Variants in CNTN5 observed in about 807,000 individuals in gnomAD.
CNTN5 encodes contactin-5.
In CNTN5, 77 loss-of-function variants were observed where a neutral mutation model predicts 129.1. The observed-to-expected ratio is 0.60, with a 90% CI of 0.50 to 0.72. The LOEUF is 0.72. CNTN5 is among the 30% of genes least tolerant of loss of function. CNTN5 has a pLI of 0.00. For missense variants in CNTN5, 1,478 were observed against 1,328.8 expected, an observed-to-expected ratio of 1.11 and a Z score of -1.75; for synonymous variants, 509 against 465.6, an observed-to-expected ratio of 1.09 and a Z score of -1.20.
chr11:99,743,012 G>T (rs937954630), intron 3 of CNTN5, among the ~76,000 whole-genome samples: 1 of 152,164 alleles, frequency 6.6e-6, no homozygotes, highest in Non-Finnish European at 1.5e-5. Context: ...CATGCAACAT[G>T]CTTTGAATAG....
chr11:99,969,180 C>T (rs17134785), intron 8 of CNTN5, among the ~76,000 whole-genome samples: 10,538 of 152,108 alleles, frequency 0.069, 374 homozygotes, highest in Middle Eastern at 0.082. Context: ...TGAACTCTCT[C>T]AATTTGTCTT....
intron 24 of CNTN5, among the ~76,000 whole-genome samples, chr11:100,355,902 A>T (rs1591539383): frequency 6.6e-6 from 1 of 151,864 alleles, no homozygotes; most frequent in South Asian, 2.1e-4. Flanking sequence ...GTTAGACATG[A>T]CATCACCTTT....
At chr11:99,997,371 A>G (rs909100843) in intron 8 of CNTN5, among the ~76,000 whole-genome samples, 2 of 152,200 alleles carry the variant, frequency 1.3e-5, no homozygotes, top group African/African-American at 4.8e-5. Flanking sequence ...AGAATACTAC[A>G]AACACCTCTA....
At chr11:100,227,137 T>G (rs1483746127) in intron 16 of CNTN5, among the ~76,000 whole-genome samples, 2 of 152,174 alleles carry the variant, frequency 1.3e-5, no homozygotes, top group Non-Finnish European at 2.9e-5. Flanking sequence ...AATGTCTTCA[T>G]CACAAGGAAC....
chr11:99,928,889 C>A (rs1950126299), intron 7 of CNTN5, among the ~76,000 whole-genome samples: 1 of 152,206 alleles, frequency 6.6e-6, no homozygotes, highest in Admixed American at 6.5e-5. Context: ...AACTTCTATG[C>A]TCTGTTTCCC....
chr11:100,253,340 ACT>A (rs909155853), intron 16 of CNTN5, among the ~76,000 whole-genome samples: 2 of 152,018 alleles, frequency 1.3e-5, no homozygotes, highest in Non-Finnish European at 2.9e-5. Flanking sequence ...ATTAGAATGA[ACT>A]CTCTGATACC....
intron 7 of CNTN5, among the ~76,000 whole-genome samples, chr11:99,944,750 A>G (rs1950518234): frequency 6.6e-6 from 1 of 151,998 alleles, no homozygotes; most frequent in Non-Finnish European, 1.5e-5. Flanking sequence ...TCATGAGTGA[A>G]CTCCCATTCA....
chr11:100,063,650 G>T (rs1943571590), intron 10 of CNTN5, among the ~76,000 whole-genome samples: 1 of 148,486 alleles, frequency 6.7e-6, no homozygotes, highest in African/African-American at 2.5e-5. Flanking sequence ...TAGGTGTAGT[G>T]GCTCAGACCT....
chr11:99,389,581 T>C (rs1205935798), intron 2 of CNTN5, among the ~76,000 whole-genome samples: 1 of 152,172 alleles, frequency 6.6e-6, no homozygotes, highest in African/African-American at 2.4e-5. Flanking sequence ...TAGACCTTAC[T>C]TTCATATAAC....
intron 1 of CNTN5, among the ~76,000 whole-genome samples, chr11:99,136,998 C>G (rs142221907): frequency 7.2e-4 from 109 of 152,214 alleles, no homozygotes; most frequent in African/African-American, 2.5e-3. Context: ...ACATATTGAA[C>G]AAGCAATATA....
intron 1 of CNTN5, among the ~76,000 whole-genome samples, chr11:99,190,864 A>G (rs1235236654): frequency 6.6e-6 from 1 of 151,550 alleles, no homozygotes; most frequent in Non-Finnish European, 1.5e-5. Context: ...CTCAAGCTAG[A>G]ACATCTAGGA....
At chr11:99,100,787 G>A (rs1348299471) in intron 1 of CNTN5, among the ~76,000 whole-genome samples, 2 of 151,898 alleles carry the variant, frequency 1.3e-5, no homozygotes, top group Non-Finnish European at 2.9e-5. Context: ...TATAAATGTT[G>A]CACAAATAAA....
intron 2 of CNTN5, among the ~76,000 whole-genome samples, chr11:99,536,281 G>A (rs547608802): frequency 1.3e-5 from 2 of 151,946 alleles, no homozygotes; most frequent in East Asian, 1.9e-4. Context: ...ATTGAAATTG[G>A]TAACTAGTTA....
At chr11:99,295,615 G>A (rs1864348281) in intron 1 of CNTN5, among the ~76,000 whole-genome samples, 2 of 152,218 alleles carry the variant, frequency 1.3e-5, no homozygotes, top group East Asian at 1.9e-4. Context: ...GGTGGCTCAC[G>A]CCTGTAATCC....
intron 13 of CNTN5, among the ~76,000 whole-genome samples, chr11:100,168,093 AG>A (rs1175095032): frequency 2.0e-5 from 3 of 151,712 alleles, no homozygotes; most frequent in Non-Finnish European, 1.5e-5. Flanking sequence ...AGGAAGCTGT[AG>A]AAAAAAAAAT....
intron 21 of CNTN5, among the ~76,000 whole-genome samples, chr11:100,321,096 T>G (rs943113992): frequency 1.3e-5 from 2 of 152,160 alleles, no homozygotes; most frequent in Admixed American, 6.5e-5. Context: ...CTGTAAAAAA[T>G]GTCATTAGAA....
At position 99,797,072 on chromosome 11, in the gene CNTN5, C is replaced by G. The variant is rs923415920; in HGVS notation, c.56-22472C>G. Among the ~76,000 whole-genome samples the G allele has an allele frequency of 3.3e-5, 5 of 151,976 alleles. No homozygotes were observed. In the South Asian group the frequency reaches 6.2e-4, roughly 19 times the overall value. ...TCTGCCTGACATCTGTGTCCTGGGC[C>G]CTTGGTGGCAGATATCCCTCCTGGC... is the stretch of plus-strand genomic sequence containing the variant. On this transcript the variant is annotated intron_variant, in intron 3 of 24. Transcript: ENST00000524871.
At chr11:100,316,322 T>C (rs1951571743) in intron 21 of CNTN5, among the ~76,000 whole-genome samples, 1 of 152,232 alleles carries the variant, frequency 6.6e-6, no homozygotes, top group South Asian at 2.1e-4. Context: ...TCGGGCACTA[T>C]GCTGGGCAAT....
intron 1 of CNTN5, among the ~76,000 whole-genome samples, chr11:99,229,542 AGGACACAG>A (rs1860877544): frequency 1.8e-5 from 1 of 56,702 alleles, no homozygotes; most frequent in Admixed American, 2.4e-4. Context: ...AAAAAAAAAA[AGGACACAG>A]CAGGAGGTCA....
Sources: allele counts gnomAD v4.1 joint callset (sites outside exome capture counted in the v4.1 genomes callset), GRCh38; gene constraint gnomAD v4.1.1; transcripts MANE v1.5; gene names NCBI Gene and HGNC (gene_info 2026-07-23, HGNC 2026-07-21).